ASAP1: variants seen among roughly 807,000 people sequenced by gnomAD.
The protein encoded by ASAP1 is ArfGAP with SH3 domain, ankyrin repeat and PH domain 1.
ASAP1 carries 43 observed loss-of-function variants against 145.2 expected under a neutral mutation model. That is an observed-to-expected ratio of 0.30 (90% CI 0.23 to 0.38). The LOEUF is 0.38. Ranked by LOEUF, ASAP1 falls within the 10% of genes least tolerant of loss-of-function variation. ASAP1 has a pLI of 1.00. For synonymous variants in ASAP1, 546 were observed against 515.5 expected (o/e 1.06, Z -0.80); for missense variants, 1,018 against 1,355.3 (o/e 0.75, Z 3.91).
chr8:130,303,174 C>T (rs529005241), intron 3 of ASAP1, among the ~76,000 whole-genome samples: 1 of 152,324 alleles, frequency 6.6e-6, no homozygotes, highest in East Asian at 1.9e-4. Flanking sequence ...AGCATGCTAA[C>T]ATCTTAGACT....
chr8:130,148,285 T>C (rs1034707573), intron 13 of ASAP1, among the ~76,000 whole-genome samples: 3 of 152,238 alleles, frequency 2.0e-5, no homozygotes, highest in Non-Finnish European at 2.9e-5. Context: ...CTGGTCCAGC[T>C]ATTTACAAAC....
intron 25 of ASAP1, among the ~76,000 whole-genome samples, chr8:130,085,322 G>A (rs1010066602): frequency 6.6e-6 from 1 of 152,098 alleles, no homozygotes; most frequent in Non-Finnish European, 1.5e-5. Flanking sequence ...TCATTTTGTG[G>A]AGAAATCACA....
intron 3 of ASAP1, among the ~76,000 whole-genome samples, chr8:130,242,993 T>C (rs2136742697): frequency 6.6e-6 from 1 of 152,244 alleles, no homozygotes; most frequent in Admixed American, 6.5e-5. Flanking sequence ...TCATCAAACT[T>C]GGGTTTTTAC....
At chr8:130,115,261 C>T (rs1564975452) in intron 23 of ASAP1, among the ~76,000 whole-genome samples, 1 of 152,202 alleles carries the variant, frequency 6.6e-6, no homozygotes, top group Admixed American at 6.5e-5. Context: ...TGAGGTCCCC[C>T]AAAGGGTAAG....
intron 24 of ASAP1, among the ~76,000 whole-genome samples, chr8:130,098,363 A>G (rs2097522724): frequency 1.3e-5 from 2 of 152,080 alleles, no homozygotes; most frequent in Non-Finnish European, 2.9e-5. Flanking sequence ...CTTTTTTGAG[A>G]TGAAGTTTTG....
Position 130,247,543 on chromosome 8 carries a change from A to G in ASAP1, c.187-10549T>C, listed in dbSNP as rs531732882. ...AGGACCCTTAAAAAAAAACAACAACAAGGATTCAGTCATCAGGCCACTAGA... is the reference window on the plus strand; with the variant it reads ...AGGACCCTTAAAAAAAAACAACAACGAGGATTCAGTCATCAGGCCACTAGA... On this transcript the variant is annotated intron_variant, in intron 3 of 29. Transcript: ENST00000518721. 5.9e-5 allele frequency among the ~76,000 whole-genome samples: 9 copies of G among 152,114 alleles called. No homozygotes were observed. The South Asian group carries it at 1.9e-3, about 32-fold the overall frequency.
intron 3 of ASAP1, among the ~76,000 whole-genome samples, chr8:130,308,377 C>T (rs767121082): frequency 2.6e-5 from 4 of 152,188 alleles, no homozygotes; most frequent in Non-Finnish European, 2.9e-5. Flanking sequence ...TTAAATCAAA[C>T]AGACTAAAAT....
intron 27 of ASAP1, among the ~76,000 whole-genome samples, chr8:130,074,934 G>A (rs2097458913): frequency 6.6e-6 from 1 of 152,196 alleles, no homozygotes; most frequent in African/African-American, 2.4e-5. Flanking sequence ...AGCTGAGGGA[G>A]CACATCAGGG....
At chr8:130,288,911 G>A (rs1289038918) in intron 3 of ASAP1, among the ~76,000 whole-genome samples, 1 of 152,232 alleles carries the variant, frequency 6.6e-6, no homozygotes, top group African/African-American at 2.4e-5. Context: ...CCAAGGCTGG[G>A]CGCGGTGGCT....
chr8:130,139,682 T>C (rs751377925), intron 13 of ASAP1, among the ~76,000 whole-genome samples: 1 of 150,662 alleles, frequency 6.6e-6, no homozygotes, highest in Non-Finnish European at 1.5e-5. Context: ...TAAGCCAAAG[T>C]CACGCCATTG....
intron 3 of ASAP1, among the ~76,000 whole-genome samples, chr8:130,337,802 C>G (rs906010877): frequency 9.9e-5 from 15 of 152,208 alleles, no homozygotes; most frequent in African/African-American, 3.6e-4. Context: ...TAAGTCAGAA[C>G]AGAGAAGAGG....
chr8:130,279,267 A>G (rs928363032), intron 3 of ASAP1, among the ~76,000 whole-genome samples: 8 of 152,148 alleles, frequency 5.3e-5, no homozygotes, highest in Non-Finnish European at 8.8e-5. Flanking sequence ...TTCCTCATGT[A>G]AGGTCTGAAT....
chr8:130,311,693 G>A (rs1192289833), intron 3 of ASAP1, among the ~76,000 whole-genome samples: 3 of 144,698 alleles, frequency 2.1e-5, no homozygotes, highest in Non-Finnish European at 3.0e-5. Flanking sequence ...CCCGGGAGGC[G>A]GAGGTTGCAG....
At chr8:130,167,499 C>T (rs750783873) in intron 11 of ASAP1, 37 bp downstream of exon 11, 3 of 1,537,556 alleles carry the variant, frequency 2.0e-6, no homozygotes, top group Non-Finnish European at 1.8e-6. Flanking sequence ...GCCTTACCTA[C>T]ACTGTTAGCC....
At chr8:130,268,620 G>A (rs1268986350) in intron 3 of ASAP1, among the ~76,000 whole-genome samples, 2 of 151,364 alleles carry the variant, frequency 1.3e-5, no homozygotes, top group African/African-American at 4.9e-5. Flanking sequence ...AGATGGTAAC[G>A]GTTAAAACAA....
chr8:130,347,200 T>C (rs185170623), intron 3 of ASAP1, among the ~76,000 whole-genome samples: 2 of 152,352 alleles, frequency 1.3e-5, no homozygotes, highest in African/African-American at 4.8e-5. Flanking sequence ...TTGGATTTAG[T>C]GGCAATGGGA....
intron 3 of ASAP1, among the ~76,000 whole-genome samples, chr8:130,326,457 A>G (rs1283768610): frequency 6.6e-6 from 1 of 152,228 alleles, no homozygotes; most frequent in Non-Finnish European, 1.5e-5. Flanking sequence ...TTCCACCCCA[A>G]ATAAAATACA....
chr8:130,216,306 A>T (rs1312128581), intron 4 of ASAP1, among the ~76,000 whole-genome samples: 9 of 152,352 alleles, frequency 5.9e-5, no homozygotes. Context: ...GATCAGATGA[A>T]TTAGGTGCAC....
intron 27 of ASAP1, among the ~76,000 whole-genome samples, chr8:130,072,873 C>T (rs2097452725): frequency 7.4e-6 from 1 of 134,324 alleles, no homozygotes; most frequent in African/African-American, 2.8e-5. Context: ...CCCGGTGGGA[C>T]TGGCACTATC....
Sources: allele counts gnomAD v4.1 joint callset (sites outside exome capture counted in the v4.1 genomes callset), GRCh38; gene constraint gnomAD v4.1.1; transcripts MANE v1.5; gene names NCBI Gene and HGNC (gene_info 2026-07-23, HGNC 2026-07-21).